The following MAN2A1 variants were observed in gnomAD, a reference collection of about 807,000 sequenced individuals.
MAN2A1 encodes mannosidase alpha class 2A member 1.
A neutral mutation model predicts 142.6 loss-of-function variants in MAN2A1; 76 were observed. The observed-to-expected ratio is 0.53, with a 90% CI of 0.44 to 0.65. MAN2A1 has a LOEUF of 0.65. Ranked by LOEUF, MAN2A1 falls within the 30% of genes least tolerant of loss-of-function variation. The probability of loss-of-function intolerance (pLI) is 0.00; values close to 1 mark genes in which losing one functional copy is unlikely to be tolerated. For missense variants in MAN2A1, 1,311 were observed against 1,365.1 expected, an observed-to-expected ratio of 0.96 and a Z score of 0.62; for synonymous variants, 559 against 473.2, an observed-to-expected ratio of 1.18 and a Z score of -2.35.
At chr5:109,773,083 CTG>C (rs1753192175) in intron 7 of MAN2A1, among the ~76,000 whole-genome samples, 1 of 152,120 alleles carries the variant, frequency 6.6e-6, no homozygotes, top group Non-Finnish European at 1.5e-5. Flanking sequence ...CAAATTGCAT[CTG>C]TATGTTTTCA....
Position 109,728,979 on chromosome 5 carries a change from T to C in MAN2A1, c.536-363T>C, listed in dbSNP as rs971102512. On this transcript the variant is annotated intron_variant, in intron 3 of 21. Transcript: ENST00000261483. ...TTAGGATAACAGTACTGCCAACTTGTAAACAGTGTTTAGATTTTTAAAATT... is the reference window on the plus strand; with the variant it reads ...TTAGGATAACAGTACTGCCAACTTGCAAACAGTGTTTAGATTTTTAAAATT... Among the ~76,000 whole-genome samples the C allele has an allele frequency of 2.0e-5, 3 of 152,122 alleles. No homozygotes were observed. The East Asian group carries it at 5.8e-4, about 29-fold the overall frequency.
intron 16 of MAN2A1, among the ~76,000 whole-genome samples, chr5:109,832,255 G>A (rs1005361655): frequency 3.3e-5 from 5 of 149,776 alleles, no homozygotes; most frequent in African/African-American, 1.2e-4. Flanking sequence ...GACAATAGTG[G>A]AGGGAAGGTC....
intron 10 of MAN2A1, among the ~76,000 whole-genome samples, chr5:109,785,515 C>A (rs532605451): frequency 3.3e-5 from 5 of 152,122 alleles, no homozygotes; most frequent in Non-Finnish European, 7.4e-5. Flanking sequence ...CATTGAAGGG[C>A]TCTCAGATGG....
chr5:109,809,981 T>C (rs1436926183), intron 12 of MAN2A1, among the ~76,000 whole-genome samples: 1 of 152,122 alleles, frequency 6.6e-6, no homozygotes, highest in African/African-American at 2.4e-5. Context: ...GTTAAATATA[T>C]TTATTCTGCT....
intron 19 of MAN2A1, chr5:109,853,732 A>T (rs1755539743): frequency 1.3e-5 from 2 of 152,206 alleles, no homozygotes; most frequent in African/African-American, 2.4e-5. Flanking sequence ...ATCTTGGAGT[A>T]CATTTAAAAT....
intron 7 of MAN2A1, among the ~76,000 whole-genome samples, chr5:109,772,520 C>CT (rs910673337): frequency 3.3e-5 from 5 of 152,076 alleles, no homozygotes; most frequent in Non-Finnish European, 5.9e-5. Context: ...AAGCTCCCCA[C>CT]TTTTTTTGAG....
intron 21 of MAN2A1, chr5:109,865,422 T>C (rs1366800839): frequency 2.6e-6 from 1 of 385,058 alleles, no homozygotes; most frequent in Non-Finnish European, 4.9e-6. Context: ...GCCTACAAAG[T>C]GCCTTGCTCC....
chr5:109,722,876 A>G (rs982999307), intron 3 of MAN2A1, among the ~76,000 whole-genome samples: 1 of 152,144 alleles, frequency 6.6e-6, no homozygotes, highest in Non-Finnish European at 1.5e-5. Flanking sequence ...CAGTTTTCTC[A>G]TTATTTCAAA....
chr5:109,734,200 G>C (rs902442711), intron 4 of MAN2A1, among the ~76,000 whole-genome samples: 163 of 151,090 alleles, frequency 1.1e-3, no homozygotes, highest in African/African-American at 3.3e-3. Context: ...TGTGGGATCG[G>C]TGGTGATATC....
In MAN2A1 at chr5:109,840,505, A is replaced by G; in HGVS notation, c.2567-1823A>G. ...AATCCAATTGGCTTGGTGGAATACC[A>G]TCTCCTGCCATAAGCTTCTTTTCCT... On this transcript the variant is annotated intron_variant, in intron 16 of 21. Transcript: ENST00000261483. 2 of 496,022 alleles carry G rather than the reference A, an allele frequency of 4.0e-6. 1 individual carries two copies. The highest frequency in any genetic ancestry group is 3.0e-5 in the South Asian group (2 of 67,020). 30.7% of individuals were successfully genotyped at this position (496,022 alleles called of 1,614,324 possible).
At chr5:109,854,139 T>C (rs1344717849) in intron 19 of MAN2A1, 1 of 152,190 alleles carries the variant, frequency 6.6e-6, no homozygotes, top group African/African-American at 2.4e-5. Flanking sequence ...AATCAGAAGA[T>C]GTCAATGGAG....
intron 16 of MAN2A1, among the ~76,000 whole-genome samples, chr5:109,839,961 CTT>C (rs1285962367): frequency 6.8e-6 from 1 of 146,998 alleles, no homozygotes; most frequent in Non-Finnish European, 1.5e-5. Context: ...ACAGAAATGT[CTT>C]AGCCTCTGGA....
intron 13 of MAN2A1, among the ~76,000 whole-genome samples, chr5:109,817,917 T>C (rs1458948416): frequency 6.6e-6 from 1 of 152,180 alleles, no homozygotes; most frequent in African/African-American, 2.4e-5. Context: ...ATGCTTCTTT[T>C]GTGAGATATA....
intron 1 of MAN2A1, among the ~76,000 whole-genome samples, chr5:109,713,212 C>T (rs1441463903): frequency 6.6e-6 from 1 of 152,096 alleles, no homozygotes; most frequent in Non-Finnish European, 1.5e-5. Context: ...TCCAGGGACC[C>T]AAAGATATTT....
chr5:109,862,442 G>A (rs985180581), intron 20 of MAN2A1: 3 of 152,170 alleles, frequency 2.0e-5, no homozygotes, highest in East Asian at 1.9e-4. Context: ...ATTCAGCCTC[G>A]AAAGTGATCT....
Position 109,767,552 on chromosome 5 carries a change from G to T in MAN2A1, c.853G>T (p.Gly285Cys), listed in dbSNP as rs555251733. 1.2e-6 allele frequency: 2 copies of T among 1,612,598 alleles called. No individual in the cohort carries two copies. Among genetic ancestry groups the T allele is most frequent in the East Asian group, 2.2e-5 (1 of 44,844 alleles). The change falls in exon 6 of 22, where the codon GGC becomes TGC. Residue 285 changes from glycine to cysteine, a missense_variant. Physicochemically the swap from Gly to Cys is radical, Grantham distance 159. Around this residue, in one of 3 missense-constraint regions of MAN2A1, gnomAD observed 409 missense variants for 412.7 expected, o/e 0.99. Transcript: ENST00000261483. Reference protein sequence around the residue: ...ENNIGVKPRSGWAIDPFGHSP... With the variant: ...ENNIGVKPRSCWAIDPFGHSP... ...ATCCACAGGAGTGAAACCTCGGTCCGGCTGGGCTATTGATCCCTTTGGACA... is the reference window on the plus strand; with the variant it reads ...ATCCACAGGAGTGAAACCTCGGTCCTGCTGGGCTATTGATCCCTTTGGACA...
chr5:109,804,352 A>G, intron 12 of MAN2A1: 1 of 901,392 alleles, frequency 1.1e-6, no homozygotes, highest in Non-Finnish European at 1.3e-6. Context: ...GCTTTTTTTA[A>G]AATTTTTATT....
At chr5:109,735,980 TTAAC>T (rs1450377045) in intron 4 of MAN2A1, among the ~76,000 whole-genome samples, 5 of 149,838 alleles carry the variant, frequency 3.3e-5, no homozygotes. Context: ...CTGGGATTAA[TTAAC>T]TACCTCATCC....
At chr5:109,772,495 T>C (rs1234064079) in intron 7 of MAN2A1, among the ~76,000 whole-genome samples, 1 of 152,162 alleles carries the variant, frequency 6.6e-6, no homozygotes, top group East Asian at 1.9e-4. Flanking sequence ...GCATTCCAGC[T>C]CATTGGCCCC....
Sources: allele counts gnomAD v4.1 joint callset (sites outside exome capture counted in the v4.1 genomes callset), GRCh38; gene constraint gnomAD v4.1.1; regional missense constraint gnomAD v4.1.1; transcripts MANE v1.5; gene names NCBI Gene and HGNC (gene_info 2026-07-23, HGNC 2026-07-21).